Variants in ELP1 observed in about 807,000 individuals in gnomAD.
The protein encoded by ELP1 is elongator complex protein 1.
In ELP1, 131 loss-of-function variants were observed where a neutral mutation model predicts 183.2. The observed-to-expected ratio is 0.72, with a 90% CI of 0.62 to 0.83. ELP1 has a LOEUF of 0.83. ELP1 is among the 40% of genes least tolerant of loss of function. The probability of loss-of-function intolerance (pLI) is 0.00; values close to 1 mark genes in which losing one functional copy is unlikely to be tolerated. For missense variants in ELP1, 1,550 were observed against 1,594.9 expected (o/e 0.97, Z 0.48); for synonymous variants, 555 against 569.0 (o/e 0.98, Z 0.35).
rs775447786 is a variant in ELP1 at position 108,919,017 on chromosome 9, A to G, written c.650-116T>C. 27 of 844,378 alleles carry G rather than the reference A, an allele frequency of 3.2e-5. No individual in the cohort carries two copies. The Middle Eastern group carries it at 8.3e-4, about 26-fold the overall frequency. The allele number at this position is 844,378 out of a possible 1,614,324, so 52.3% of individuals were successfully genotyped here. A position where few individuals can be genotyped will look rare whatever the true frequency, so the allele number is the denominator to read the frequency against. ...AATAAAAACTGCCATGGTTTTACAT[A>G]GCCAATTAGATTAATTTTGTTACAA... On this transcript the variant is annotated intron_variant, in intron 7 of 36. Transcript: ENST00000374647.
intron 6 of ELP1, among the ~76,000 whole-genome samples, chr9:108,921,570 C>T (rs1829647636): frequency 6.9e-6 from 1 of 144,450 alleles, no homozygotes; most frequent in Non-Finnish European, 1.5e-5. Context: ...GTCAAGGATA[C>T]CTTTTAAGTC....
chr9:108,928,711 G>C (rs2132047916), intron 3 of ELP1, among the ~76,000 whole-genome samples: 1 of 152,092 alleles, frequency 6.6e-6, no homozygotes, highest in South Asian at 2.1e-4. Flanking sequence ...AAGATAAATA[G>C]ACTGGAAGAG....
Position 108,929,844 on chromosome 9 carries a change from G to A in ELP1, c.228C>T (p.Asp76=). The A allele has an allele frequency of 6.2e-7, 1 of 1,613,964 alleles. No homozygotes were observed. Among genetic ancestry groups the A allele is most frequent in the Non-Finnish European group, 8.5e-7 (1 of 1,180,024 alleles). Residue 76 remains aspartate (D), a synonymous_variant, in exon 3 of 37, where the codon GAC becomes GAT. Transcript: ENST00000374647. ...CACACACAGACTCCTGATCCAGCAA[G>A]TCCTGAACACCAACAATGCGGCCAC... The part of the protein sequence containing the change: ...DGSGRIVGVQ[D]LLDQESVCVA...
chr9:108,903,512 C>G (rs1342663844), intron 15 of ELP1, 51 bp downstream of exon 15: 6 of 1,181,468 alleles, frequency 5.1e-6, no homozygotes, highest in African/African-American at 1.5e-5. Context: ...TTCTTAAGAA[C>G]TAAGCATCTA....
At chr9:108,903,428 C>A in intron 15 of ELP1, 135 bp downstream of exon 15, 1 of 701,786 alleles carries the variant, frequency 1.4e-6, no homozygotes, top group South Asian at 1.6e-5. Flanking sequence ...CAATTCCACT[C>A]TAAAGCTTAG....
Position 108,931,024 on chromosome 9 carries a change from C to G in ELP1, c.123G>C (p.Leu41=). ...GTVLIGSEHG[L]IEVDPVSREV... is the part of the protein sequence containing the mutation. The stretch of plus-strand genomic sequence containing the variant: ...CTCTTGAGACAGGGTCTACTTCTAT[C>G]AGGCCATGTTCTGAACCAATGAGCA... The change falls in exon 2 of 37, where the codon CTG becomes CTC. Residue 41 remains leucine (L), a synonymous_variant. Transcript: ENST00000374647. The G allele has an allele frequency of 6.2e-7, 1 of 1,614,152 alleles. No homozygotes were observed. The highest frequency in any genetic ancestry group is 8.5e-7 in the Non-Finnish European group (1 of 1,180,026).
chr9:108,917,802 G>A (rs1829504606), intron 8 of ELP1, 132 bp from the exon 9 acceptor site: 1 of 1,062,354 alleles, frequency 9.4e-7, no homozygotes, highest in South Asian at 1.3e-5. Context: ...TTTATCCAAG[G>A]AAGTTTTAAA....
At chr9:108,888,437 T>C (rs1045931284) in intron 29 of ELP1, among the ~76,000 whole-genome samples, 4 of 152,264 alleles carry the variant, frequency 2.6e-5, no homozygotes, top group African/African-American at 7.2e-5. Context: ...AATTTTATTG[T>C]ATGTAAATTA....
intron 5 of ELP1, among the ~76,000 whole-genome samples, chr9:108,925,032 T>C (rs950372341): frequency 3.7e-4 from 57 of 152,286 alleles, no homozygotes; most frequent in African/African-American, 1.3e-3. Flanking sequence ...CCCATCCTCA[T>C]TGTGAATCAA....
intron 6 of ELP1, among the ~76,000 whole-genome samples, chr9:108,920,717 T>C (rs1356078220): frequency 6.6e-6 from 1 of 152,174 alleles, no homozygotes; most frequent in Non-Finnish European, 1.5e-5. Context: ...GCCTACTCCA[T>C]GGATTTTTGT....
Position 108,916,316 on chromosome 9 carries a change from C to G in ELP1, c.865-19G>C, listed in dbSNP as rs772944518. The G allele has an allele frequency of 3.2e-6, 5 of 1,570,934 alleles. No homozygotes were observed. The East Asian group carries it at 1.1e-4, about 35-fold the overall frequency. ...CATTTACCTAGAAGGGAAAAAAGATCTGTCATTGGCTTTCAGTTATGGATT... is the reference window on the plus strand; with the variant it reads ...CATTTACCTAGAAGGGAAAAAAGATGTGTCATTGGCTTTCAGTTATGGATT... On this transcript the variant is annotated intron_variant, in intron 9 of 36. Transcript: ENST00000374647.
At chr9:108,902,602 G>A (rs1471172777) in intron 16 of ELP1, among the ~76,000 whole-genome samples, 1 of 152,150 alleles carries the variant, frequency 6.6e-6, no homozygotes, top group African/African-American at 2.4e-5. Flanking sequence ...AGGGATAAAA[G>A]GTTGCTAATC....
intron 8 of ELP1, 136 bp downstream of exon 8, chr9:108,918,675 A>G (rs1829537240): frequency 2.7e-6 from 2 of 727,560 alleles, no homozygotes; most frequent in Non-Finnish European, 5.0e-6. Flanking sequence ...ACAAAGATAG[A>G]TACAGCCTTA....
rs146039414 is a variant in ELP1 at position 108,892,903 on chromosome 9, T to C, written c.2958+83A>G. 876 of 898,112 alleles carry C rather than the reference T, an allele frequency of 9.8e-4. 3 individuals are homozygous for C. Among genetic ancestry groups the C allele is most frequent in the Non-Finnish European group, 1.5e-3 (770 of 527,992 alleles). The allele number at this position is 898,112 out of a possible 1,614,324, so 55.6% of individuals were successfully genotyped here. On this transcript the variant is annotated intron_variant, in intron 27 of 36. Transcript: ENST00000374647. Reference sequence around the variant, plus strand: ...AGATAAATTTTGAAGCCAAGGATGGTGTTATGAACTTAGGATCCTCACTCC... The same window carrying C: ...AGATAAATTTTGAAGCCAAGGATGGCGTTATGAACTTAGGATCCTCACTCC...
chr9:108,873,270 A>G (rs1045176526), intron 36 of ELP1, among the ~76,000 whole-genome samples: 2 of 152,210 alleles, frequency 1.3e-5, no homozygotes, highest in Non-Finnish European at 2.9e-5. Context: ...TCAAAGCAGG[A>G]AACAATCAGA....
chr9:108,923,512 T>C (rs373175424), intron 5 of ELP1, among the ~76,000 whole-genome samples: 2 of 152,266 alleles, frequency 1.3e-5, no homozygotes, highest in African/African-American at 4.8e-5. Context: ...AAGTCAGCGA[T>C]CTCACCCTCA....
At chr9:108,913,795 C>T (rs1299799259) in intron 10 of ELP1, among the ~76,000 whole-genome samples, 1 of 152,114 alleles carries the variant, frequency 6.6e-6, no homozygotes, top group African/African-American at 2.4e-5. Flanking sequence ...TACAGGCGCG[C>T]ACCACCACGC....
chr9:108,899,184 T>C (rs1828674980), intron 20 of ELP1, among the ~76,000 whole-genome samples: 1 of 151,702 alleles, frequency 6.6e-6, no homozygotes, highest in South Asian at 2.1e-4. Flanking sequence ...CCTGTAATCC[T>C]AGCTATGCGG....
Position 108,880,119 on chromosome 9 carries a change from G to C in ELP1, c.3393C>G (p.Phe1131Leu). The C allele has an allele frequency of 6.2e-7, 1 of 1,614,148 alleles. No homozygotes were observed. Among genetic ancestry groups the C allele is most frequent in the Non-Finnish European group, 8.5e-7 (1 of 1,179,992 alleles). ...CCAATAAACGTTTCTTGTGGCGACT[G>C]AATGTGGCTGTCTGAGAGTCCAGAA... ...MAFLDSQTATFSRHKKRLLVV... is the reference protein window; with the variant it reads ...MAFLDSQTATLSRHKKRLLVV... Residue 1131 changes from phenylalanine (F) to leucine (L), a missense_variant, in exon 32 of 37, where the codon TTC becomes TTG. By Grantham distance (22) the Phe-to-Leu change is conservative. Transcript: ENST00000374647.
Sources: allele counts gnomAD v4.1 joint callset (sites outside exome capture counted in the v4.1 genomes callset), GRCh38; gene constraint gnomAD v4.1.1; transcripts MANE v1.5; gene names NCBI Gene and HGNC (gene_info 2026-07-23, HGNC 2026-07-21).